The following PAPPA variants were observed in gnomAD, a reference collection of about 807,000 sequenced individuals.
The protein encoded by PAPPA is pappalysin 1.
PAPPA carries 60 observed loss-of-function variants against 164.0 expected under a neutral mutation model. The ratio of observed to expected loss-of-function variants is 0.37; its 90% CI spans 0.30 to 0.45. The LOEUF is 0.45. PAPPA is among the 20% of genes least tolerant of loss of function. The pLI, the probability that PAPPA is intolerant of heterozygous loss-of-function variation, is 1.00. For missense variants in PAPPA, 1,782 were observed against 2,087.3 expected (o/e 0.85, Z 2.85); for synonymous variants, 875 against 814.1 (o/e 1.07, Z -1.27).
At chr9:116,218,029 T>C (rs2118699936) in intron 4 of PAPPA, among the ~76,000 whole-genome samples, 1 of 152,344 alleles carries the variant, frequency 6.6e-6, no homozygotes, top group Admixed American at 6.5e-5. Context: ...GTCTGAGGAC[T>C]TTTTCCTTGC....
chr9:116,174,860 T>C (rs1332574830), intron 1 of PAPPA, among the ~76,000 whole-genome samples: 1 of 152,120 alleles, frequency 6.6e-6, no homozygotes, highest in East Asian at 1.9e-4. Flanking sequence ...GAAGTGACCA[T>C]GGATGAAAAG....
At chr9:116,326,964 T>A (rs1845928467) in intron 10 of PAPPA, among the ~76,000 whole-genome samples, 1 of 152,256 alleles carries the variant, frequency 6.6e-6, no homozygotes, top group African/African-American at 2.4e-5. Context: ...ATATCACATA[T>A]TCTTTATCCA....
At chr9:116,338,713 C>T (rs1846095914) in intron 13 of PAPPA, among the ~76,000 whole-genome samples, 1 of 152,210 alleles carries the variant, frequency 6.6e-6, no homozygotes, top group African/African-American at 2.4e-5. Context: ...ACTGCTGTGC[C>T]TAAGCATGTG....
Position 116,398,425 on chromosome 9 carries a change from A to G in PAPPA, c.*1809A>G. On this transcript the variant is annotated 3_prime_UTR_variant, in exon 22 of 22. Coordinates refer to ENST00000328252, the MANE Select transcript of PAPPA (RefSeq NM_002581.5). ...GATAGAAAATACCATGCACGTGTGC[A>G]GCCCCACCTAATTCCTGCATCCAAG... 2.4e-6 allele frequency: 1 copy of G among 410,200 alleles called. No individual in the cohort carries two copies. The highest frequency in any genetic ancestry group is 2.1e-5 in the South Asian group (1 of 47,120). The allele number at this position is 410,200 out of a possible 1,614,324, so 25.4% of individuals were successfully genotyped here.
At chr9:116,186,939 A>T (rs1843977623) in intron 1 of PAPPA, among the ~76,000 whole-genome samples, 1 of 152,108 alleles carries the variant, frequency 6.6e-6, no homozygotes, top group African/African-American at 2.4e-5. Flanking sequence ...AAATGCTCCA[A>T]ACCCAACTTA....
chr9:116,239,608 C>G (rs1844712910), intron 7 of PAPPA, among the ~76,000 whole-genome samples: 1 of 152,154 alleles, frequency 6.6e-6, no homozygotes, highest in African/African-American at 2.4e-5. Flanking sequence ...TAAGTATTTC[C>G]TCTGCTTTAA....
At chr9:116,209,211 C>T (rs1477873366) in intron 3 of PAPPA, among the ~76,000 whole-genome samples, 1 of 152,212 alleles carries the variant, frequency 6.6e-6, no homozygotes, top group Non-Finnish European at 1.5e-5. Flanking sequence ...GCTTATATCA[C>T]ATGCCTAGTA....
At chr9:116,180,449 A>C (rs1843890715) in intron 1 of PAPPA, among the ~76,000 whole-genome samples, 1 of 152,170 alleles carries the variant, frequency 6.6e-6, no homozygotes, top group Admixed American at 6.5e-5. Flanking sequence ...CTTATCTGTC[A>C]AAAGAATACT....
chr9:116,249,829 A>G (rs1844838727), intron 7 of PAPPA, among the ~76,000 whole-genome samples: 2 of 152,220 alleles, frequency 1.3e-5, no homozygotes, highest in South Asian at 2.1e-4. Context: ...TGAAACAAGG[A>G]GAAGGAGTTC....
Position 116,401,709 on chromosome 9 carries a change from TA to T in PAPPA, c.*5094del, listed in dbSNP as rs1177543764. 5.3e-5 allele frequency: 8 copies of T among 151,608 alleles called. No homozygotes were observed. The highest frequency in any genetic ancestry group is 1.2e-4 in the Non-Finnish European group (8 of 67,832). 9.4% of individuals were successfully genotyped at this position (151,608 alleles called of 1,614,324 possible). A position where few individuals can be genotyped will look rare whatever the true frequency, so the allele number is the denominator to read the frequency against. On this transcript the variant is annotated 3_prime_UTR_variant, in exon 22 of 22. Coordinates refer to ENST00000328252, the MANE Select transcript of PAPPA (RefSeq NM_002581.5). ...TATGTACCATATTATACCTTTTTAT[TA>T]TTGTTATAATTATTATGGGTATTTC...
chr9:116,173,606 T>C (rs890113079), intron 1 of PAPPA, among the ~76,000 whole-genome samples: 7 of 152,216 alleles, frequency 4.6e-5, no homozygotes, highest in Admixed American at 2.0e-4. Flanking sequence ...CCTCAGTTAC[T>C]CTGTGCACCC....
intron 9 of PAPPA, among the ~76,000 whole-genome samples, chr9:116,293,206 T>C (rs892054714): frequency 1.3e-5 from 2 of 152,138 alleles, no homozygotes; most frequent in Non-Finnish European, 2.9e-5. Context: ...GAAAGAGAGA[T>C]GTGGGATAGG....
At chr9:116,289,692 G>A (rs978427049) in intron 9 of PAPPA, among the ~76,000 whole-genome samples, 8 of 151,990 alleles carry the variant, frequency 5.3e-5, no homozygotes, top group South Asian at 4.2e-4. Context: ...GTGTTAAAAC[G>A]TTCATTCGTT....
chr9:116,338,600 C>T (rs992869330), intron 13 of PAPPA, among the ~76,000 whole-genome samples: 6 of 152,198 alleles, frequency 3.9e-5, no homozygotes, highest in African/African-American at 1.2e-4. Flanking sequence ...TTGCTCAGAT[C>T]GCTGCCATAA....
In PAPPA at chr9:116,187,293, C is replaced by G. The variant is rs1194286890; in HGVS notation, c.555C>G (p.Ile185Met). The change falls in exon 2 of 22, where the codon ATC becomes ATG. Residue 185 changes from isoleucine (I) to methionine (M), a missense_variant. By Grantham distance (10) the Ile-to-Met change is conservative. Transcript: ENST00000328252. The surrounding 1 kb of genome is among the most constrained non-coding windows in gnomAD (Gnocchi z 4.2). ...KTDRARQVTTINAHRSYLPGQ... is the reference protein window; with the variant it reads ...KTDRARQVTTMNAHRSYLPGQ... ...ACCGAGCCCGGCAAGTGACCACCAT[C>G]AATGCCCACCGCAGCTACCTCCCAG... The G allele has an allele frequency of 2.5e-6, 4 of 1,614,214 alleles. No individual in the cohort carries two copies. The highest frequency in any genetic ancestry group is 3.4e-6 in the Non-Finnish European group (4 of 1,180,046).
At chr9:116,322,312 A>G (rs2118929653) in intron 10 of PAPPA, among the ~76,000 whole-genome samples, 1 of 149,122 alleles carries the variant, frequency 6.7e-6, no homozygotes, top group Non-Finnish European at 1.5e-5. Flanking sequence ...CGGGGGGTGG[A>G]GGCAGGAGAA....
intron 4 of PAPPA, among the ~76,000 whole-genome samples, chr9:116,217,623 A>T (rs769417802): frequency 4.0e-5 from 6 of 150,076 alleles, no homozygotes; most frequent in Non-Finnish European, 7.4e-5. Context: ...GTTTTCTAAC[A>T]CTCACACATA....
At chr9:116,357,146 A>C (rs1023731491) in intron 17 of PAPPA, among the ~76,000 whole-genome samples, 1 of 152,206 alleles carries the variant, frequency 6.6e-6, no homozygotes, top group Non-Finnish European at 1.5e-5. Context: ...CATGATAAAA[A>C]TATTCATATC....
chr9:116,383,889 A>AT (rs893502342), intron 21 of PAPPA, among the ~76,000 whole-genome samples: 2 of 152,144 alleles, frequency 1.3e-5, no homozygotes, highest in African/African-American at 2.4e-5. Context: ...GAATTTTATC[A>AT]TTTTTTTCTA....
Sources: gnomAD v4.1 joint callset for allele counts (sites outside exome capture counted in the v4.1 genomes callset) on GRCh38, gnomAD v4.1.1 for gene constraint, Gnocchi (gnomAD v3.1) non-coding constraint, MANE v1.5 for transcripts, NCBI Gene and HGNC (gene_info 2026-07-23, HGNC 2026-07-21) for gene names.